Variants in TMSB15B observed in about 807,000 individuals in gnomAD.
The protein encoded by TMSB15B is thymosin beta-15B.
At chrX:103,928,621 C>T (rs782491673) in intron 1 of TMSB15B, 1 of 1,163,275 alleles carries the variant, frequency 8.6e-7, no homozygotes, top group East Asian at 3.0e-5. Context: ...GGGCTACTAC[C>T]ATGGTTTCTG....
At chrX:103,931,856 G>A (rs1474044043) in intron 1 of TMSB15B, 1 of 111,707 alleles carries the variant, frequency 9.0e-6, no homozygotes, top group Non-Finnish European at 1.9e-5. Flanking sequence ...CGACCTCCAG[G>A]GAGGGGAGAG....
chrX:103,922,213 T>G (rs1394139305), intron 1 of TMSB15B, among the ~76,000 whole-genome samples: 1 of 110,658 alleles, frequency 9.0e-6, no homozygotes, highest in Non-Finnish European at 1.9e-5. Flanking sequence ...TATTTATTTT[T>G]TATTAGTGCT....
chrX:103,945,913 A>G (rs2075024376), intron 1 of TMSB15B, among the ~76,000 whole-genome samples: 1 of 112,413 alleles, frequency 8.9e-6, no homozygotes, highest in Non-Finnish European at 1.9e-5. Context: ...TAACAGATGT[A>G]TAAACCATTA....
rs782023360 is a variant in TMSB15B at position 103,929,789 on chromosome X, T to TC, written c.-721+10501dup. On this transcript the variant is annotated intron_variant, in intron 1 of 3. Transcript: ENST00000419165. ...ACATTGCCCAGAAACGATTTGAGTT[T>TC]CCCCAAGAAACCTGGAAGTGAAGTG... 2.7e-5 allele frequency among the ~76,000 whole-genome samples: 3 copies of TC among 111,684 alleles called. No individual in the cohort carries two copies. The Admixed American group carries it at 2.9e-4, about 11-fold the overall frequency.
chrX:103,952,785 A>C (rs782368438), intron 1 of TMSB15B, among the ~76,000 whole-genome samples: 1 of 111,564 alleles, frequency 9.0e-6, no homozygotes, highest in African/African-American at 3.3e-5. Flanking sequence ...AGAGGTGGGT[A>C]TCTGGAGCTT....
chrX:103,940,196 C>A (rs146938624), intron 1 of TMSB15B, among the ~76,000 whole-genome samples: 1 of 112,322 alleles, frequency 8.9e-6, no homozygotes, highest in African/African-American at 3.2e-5. Context: ...GCTGGGAGAT[C>A]CACTGCTCTC....
chrX:103,939,898 C>T (rs1428381803), intron 1 of TMSB15B, among the ~76,000 whole-genome samples: 1 of 111,837 alleles, frequency 8.9e-6, no homozygotes, highest in Non-Finnish European at 1.9e-5. Context: ...GTTGGTTTTC[C>T]TTCTATCAGG....
intron 1 of TMSB15B, among the ~76,000 whole-genome samples, chrX:103,941,347 A>T (rs1387872079): frequency 9.2e-6 from 1 of 108,356 alleles, no homozygotes; most frequent in Admixed American, 9.8e-5. Context: ...GGTTTAAAAC[A>T]TTTTTTTTTT....
At chrX:103,938,998 T>G (rs2075005826) in intron 1 of TMSB15B, among the ~76,000 whole-genome samples, 1 of 112,336 alleles carries the variant, frequency 8.9e-6, no homozygotes, top group South Asian at 3.7e-4. Context: ...CTCTTCTGGC[T>G]TGAAGGGTTT....
At chrX:103,928,787 C>T (rs2074976669) in intron 1 of TMSB15B, 12 of 1,187,862 alleles carry the variant, frequency 1.0e-5, no homozygotes, top group African/African-American at 1.8e-5. Flanking sequence ...GTTCTGTATC[C>T]TCCGATTGTG....
At chrX:103,930,552 C>T (rs527806331) in intron 1 of TMSB15B, among the ~76,000 whole-genome samples, 1 of 110,081 alleles carries the variant, frequency 9.1e-6, no homozygotes, top group Non-Finnish European at 1.9e-5. Flanking sequence ...TAACATTGGT[C>T]GAATTACTGA....
intron 1 of TMSB15B, among the ~76,000 whole-genome samples, chrX:103,936,421 TG>T (rs1411198889): frequency 6.2e-5 from 7 of 112,037 alleles, no homozygotes; most frequent in Non-Finnish European, 9.4e-5. Context: ...CAATTGTGAA[TG>T]GGAGTTTGCT....
At chrX:103,947,019 A>C (rs782816724) in intron 1 of TMSB15B, among the ~76,000 whole-genome samples, 109 of 110,796 alleles carry the variant, frequency 9.8e-4, no homozygotes, top group African/African-American at 3.4e-3. Context: ...TATGACCAGC[A>C]ACTCCACTTC....
intron 1 of TMSB15B, among the ~76,000 whole-genome samples, chrX:103,948,183 T>C (rs2075030397): frequency 9.0e-6 from 1 of 111,544 alleles, no homozygotes; most frequent in Admixed American, 9.5e-5. Flanking sequence ...GAACTTAAAG[T>C]CAATTTAAAA....
At chrX:103,941,955 T>C (rs1161678597) in intron 1 of TMSB15B, among the ~76,000 whole-genome samples, 2 of 112,467 alleles carry the variant, frequency 1.8e-5, no homozygotes, top group Non-Finnish European at 3.8e-5. Flanking sequence ...TTTGCCATTT[T>C]TTCCTGTTGA....
intron 1 of TMSB15B, among the ~76,000 whole-genome samples, chrX:103,921,223 G>A (rs1185815271): frequency 1.8e-5 from 2 of 111,882 alleles, no homozygotes; most frequent in African/African-American, 6.5e-5. Flanking sequence ...GGTGGTGGAA[G>A]GTGGAAAGTG....
At chrX:103,921,454 T>C (rs1556317785) in intron 1 of TMSB15B, among the ~76,000 whole-genome samples, 1 of 112,067 alleles carries the variant, frequency 8.9e-6, no homozygotes, top group Middle Eastern at 4.6e-3. Context: ...AGACCAAGAA[T>C]AGGTGTCAGA....
At chrX:103,950,928 G>A (rs1228511892) in intron 1 of TMSB15B, among the ~76,000 whole-genome samples, 20 of 111,214 alleles carry the variant, frequency 1.8e-4, no homozygotes, top group Admixed American at 1.6e-3. Context: ...TTAGAGTGCA[G>A]TCTGGAAATA....
chrX:103,938,535 A>G (rs1265750157), intron 1 of TMSB15B, among the ~76,000 whole-genome samples: 1 of 111,565 alleles, frequency 9.0e-6, no homozygotes, highest in African/African-American at 3.3e-5. Context: ...CTTTATTTTG[A>G]GCCTATGTGT....
Sources: gnomAD v4.1 joint callset for allele counts (sites outside exome capture counted in the v4.1 genomes callset) on GRCh38, gnomAD v4.1.1 for gene constraint, MANE v1.5 for transcripts, NCBI Gene and HGNC (gene_info 2026-07-23, HGNC 2026-07-21) for gene names.